The following TDRD9 variants were observed in gnomAD, a reference collection of about 807,000 sequenced individuals.
TDRD9 encodes tudor domain containing 9.
TDRD9 carries 124 observed loss-of-function variants against 172.6 expected under a neutral mutation model. The observed-to-expected ratio is 0.72, with a 90% CI of 0.62 to 0.83. The LOEUF is 0.83. TDRD9 is among the 40% of genes least tolerant of loss of function. TDRD9 has a pLI of 0.00. For synonymous variants in TDRD9, 619 were observed against 617.1 expected (o/e 1.00, Z -0.05); for missense variants, 1,479 against 1,714.1 (o/e 0.86, Z 2.42).
intron 7 of TDRD9, among the ~76,000 whole-genome samples, chr14:103,976,405 C>G (rs193294975): frequency 6.6e-6 from 1 of 152,122 alleles, no homozygotes; most frequent in African/African-American, 2.4e-5. Context: ...TCCCAAATAG[C>G]TAGGACTACA....
intron 23 of TDRD9, among the ~76,000 whole-genome samples, chr14:104,020,566 G>C (rs1449081173): frequency 2.0e-5 from 3 of 152,190 alleles, no homozygotes; most frequent in African/African-American, 7.2e-5. Context: ...CATGAATCAG[G>C]CAGTGGGTGG....
At chr14:104,011,882 G>A (rs2034623102) in intron 20 of TDRD9, among the ~76,000 whole-genome samples, 1 of 152,036 alleles carries the variant, frequency 6.6e-6, no homozygotes, top group Non-Finnish European at 1.5e-5. Flanking sequence ...ATTTATTTTA[G>A]CCAAAGGATA....
chr14:104,049,622 C>A lies in TDRD9; in HGVS notation c.3989C>A (p.Ser1330Ter). The change falls in exon 35 of 36, where the codon TCA (serine) becomes TAA (stop). Residue 1330 changes from serine (S) to a stop codon, truncating the protein, a stop_gained. Transcript: ENST00000409874. LOFTEE classifies it high-confidence loss of function. ...RQKLLGLFCQ[S>*]KPREKIVPKW... ...TTTTAAATTAGTTTGTTCTGTCAGT[C>A]AAAACCAAGGGAGAAGATTGTTCCC... is the stretch of plus-strand genomic sequence containing the variant. 1 of 1,577,338 alleles carries A rather than the reference C, an allele frequency of 6.3e-7. No individual in the cohort carries two copies. Among genetic ancestry groups the A allele is most frequent in the South Asian group, 1.2e-5 (1 of 85,840 alleles).
At chr14:104,047,150 G>T (rs2035805142) in intron 34 of TDRD9, among the ~76,000 whole-genome samples, 1 of 152,104 alleles carries the variant, frequency 6.6e-6, no homozygotes. Context: ...GTTCATTTGG[G>T]TATTCTCTAA....
intron 30 of TDRD9, among the ~76,000 whole-genome samples, chr14:104,033,311 A>G (rs1253760216): frequency 6.6e-6 from 1 of 152,198 alleles, no homozygotes; most frequent in East Asian, 1.9e-4. Context: ...CAGGAGCCCC[A>G]GTGTGAAGCC....
chr14:103,937,417 G>A (rs2030839954), intron 1 of TDRD9, among the ~76,000 whole-genome samples: 1 of 152,172 alleles, frequency 6.6e-6, no homozygotes, highest in African/African-American at 2.4e-5. Flanking sequence ...ACCCTGTTCA[G>A]ATACCTCCTT....
intron 2 of TDRD9, among the ~76,000 whole-genome samples, chr14:103,960,771 T>C (rs1566741513): frequency 6.6e-6 from 1 of 152,366 alleles, no homozygotes; most frequent in East Asian, 1.9e-4. Flanking sequence ...TTAGGACTTC[T>C]GGCATTTTTT....
rs1252272275 is a variant in TDRD9, at chr14:104,040,258, C to T, written c.3779C>T (p.Thr1260Ile). Reference protein sequence around the residue: ...VLCGLGWNPATGASILPEHDM... With the variant: ...VLCGLGWNPAIGASILPEHDM... ...TGTGGTTTGGGGTGGAATCCAGCTACAGGGGCTTCCATACTGCCCGAGCAC... is the reference window on the plus strand; with the variant it reads ...TGTGGTTTGGGGTGGAATCCAGCTATAGGGGCTTCCATACTGCCCGAGCAC... Residue 1260 changes from threonine (T) to isoleucine (I), a missense_variant, in exon 33 of 36, where the codon ACA becomes ATA. Physicochemically the swap from Thr to Ile is moderately conservative, Grantham distance 89. Transcript: ENST00000409874. The T allele has an allele frequency of 3.2e-6, 5 of 1,551,230 alleles. No homozygotes were observed. The highest frequency in any genetic ancestry group is 4.4e-6 in the Non-Finnish European group (5 of 1,146,664).
At chr14:103,970,962 A>G (rs994537289) in intron 6 of TDRD9, among the ~76,000 whole-genome samples, 5 of 152,070 alleles carry the variant, frequency 3.3e-5, no homozygotes, top group African/African-American at 9.7e-5. Flanking sequence ...CTGCAAATGC[A>G]GAATCTGGAT....
intron 23 of TDRD9, among the ~76,000 whole-genome samples, 190 bp from the exon 24 acceptor site, chr14:104,021,967 C>T (rs2034968997): frequency 3.9e-5 from 6 of 152,060 alleles, no homozygotes. Flanking sequence ...GTCATTATAA[C>T]TTTTATTTCT....
chr14:103,933,360 C>T (rs1488259314), intron 1 of TDRD9, among the ~76,000 whole-genome samples: 1 of 152,182 alleles, frequency 6.6e-6, no homozygotes, highest in Admixed American at 6.5e-5. Context: ...GTGTACTTTC[C>T]TGTCTTCACA....
At chr14:103,973,686 C>G (rs1212413916) in intron 6 of TDRD9, among the ~76,000 whole-genome samples, 7 of 152,184 alleles carry the variant, frequency 4.6e-5, no homozygotes, top group Admixed American at 4.6e-4. Flanking sequence ...CTCGTCGTTC[C>G]TTAAAACCCA....
chr14:103,954,935 T>C (rs1318679119), intron 1 of TDRD9, among the ~76,000 whole-genome samples: 1 of 137,914 alleles, frequency 7.3e-6, no homozygotes, highest in Non-Finnish European at 1.6e-5. Flanking sequence ...AGGCTGTTTA[T>C]TTTTTTTTTG....
intron 22 of TDRD9, 64 bp from the exon 23 acceptor site, chr14:104,018,028 G>T: frequency 1.1e-6 from 1 of 949,506 alleles, no homozygotes; most frequent in Non-Finnish European, 1.6e-6. Flanking sequence ...CTTTGAGCTT[G>T]TGAATGTTGA....
In TDRD9 at chr14:103,971,390, C is replaced by T. The variant is rs193018536; in HGVS notation, c.846+769C>T. 2.5e-4 allele frequency among the ~76,000 whole-genome samples: 38 copies of T among 151,828 alleles called. No homozygotes were observed. The East Asian group carries it at 6.2e-3, about 25-fold the overall frequency. On this transcript the variant is annotated intron_variant, in intron 6 of 35. Transcript: ENST00000409874. ...TGCGATCTCAGCTCACTGCCACCTC[C>T]GCCTCCCAGGTTCAAGCAATTCTCA... is the stretch of plus-strand genomic sequence containing the variant.
intron 25 of TDRD9, 121 bp downstream of exon 25, chr14:104,024,801 A>C (rs2035066506): frequency 2.2e-6 from 1 of 463,678 alleles, no homozygotes. Context: ...GAACTTGTGC[A>C]CCTTGGTAAT....
Position 104,046,879 on chromosome 14 carries a change from T to A in TDRD9, c.3975-2729T>A, listed in dbSNP as rs528045251. ...GCCAGGATGGTCTCGATCTCCTGAC[T>A]TTGTGATCCGCCCACCTCGGCCTCC... is the stretch of plus-strand genomic sequence containing the variant. On this transcript the variant is annotated intron_variant, in intron 34 of 35. Transcript: ENST00000409874. 4.2e-4 allele frequency among the ~76,000 whole-genome samples: 64 copies of A among 152,136 alleles called. 1 individual carries two copies. The East Asian group carries it at 9.1e-3, about 22-fold the overall frequency.
intron 2 of TDRD9, among the ~76,000 whole-genome samples, chr14:103,956,984 G>A (rs112737140): frequency 0.014 from 2,160 of 152,140 alleles, 56 homozygotes; most frequent in African/African-American, 0.049. Context: ...GCTCAGAGTC[G>A]GGCACAAATG....
chr14:104,007,924 C>T (rs1195724938), intron 19 of TDRD9, among the ~76,000 whole-genome samples: 2 of 152,036 alleles, frequency 1.3e-5, no homozygotes, highest in African/African-American at 4.8e-5. Flanking sequence ...ACCACAGGTG[C>T]CCGCCACCAC....
Sources: allele counts gnomAD v4.1 joint callset (sites outside exome capture counted in the v4.1 genomes callset), GRCh38; gene constraint gnomAD v4.1.1; transcripts MANE v1.5; gene names NCBI Gene and HGNC (gene_info 2026-07-23, HGNC 2026-07-21).